Variants in GALNTL6 observed in about 807,000 individuals in gnomAD.
The protein encoded by GALNTL6 is polypeptide N-acetylgalactosaminyltransferase like 6.
Under a neutral mutation model 73.7 loss-of-function variants are expected in GALNTL6, and 46 were observed. The observed-to-expected ratio is 0.62, with a 90% CI of 0.49 to 0.80. The LOEUF is 0.80. Ranked by LOEUF, GALNTL6 falls within the 30% of genes least tolerant of loss-of-function variation. GALNTL6 has a pLI of 0.00. For missense variants in GALNTL6, 604 were observed against 755.0 expected (o/e 0.80, Z 2.34); for synonymous variants, 259 against 263.7 (o/e 0.98, Z 0.17).
At chr4:172,036,217 GA>G (rs553310835) in intron 2 of GALNTL6, among the ~76,000 whole-genome samples, 1 of 151,624 alleles carries the variant, frequency 6.6e-6, no homozygotes, top group Non-Finnish European at 1.5e-5. Context: ...TCAGTTTATA[GA>G]AAAAAAATGC....
intron 8 of GALNTL6, among the ~76,000 whole-genome samples, chr4:172,925,465 T>C (rs746614187): frequency 6.6e-6 from 1 of 152,204 alleles, no homozygotes; most frequent in African/African-American, 2.4e-5. Context: ...CGTTACATGG[T>C]AAAAGAGATT....
At chr4:172,211,754 T>C (rs1736328814) in intron 2 of GALNTL6, among the ~76,000 whole-genome samples, 1 of 152,166 alleles carries the variant, frequency 6.6e-6, no homozygotes, top group South Asian at 2.1e-4. Flanking sequence ...CCAGCAGATT[T>C]GGTGTCAGTT....
rs148626589 is a variant in GALNTL6 at position 172,290,290 on chromosome 4, T to A, written c.248-21324T>A. ...TAGTAGTATTTTCTTTAGCTCAGTA[T>A]GAGACCGAACCATATTTGCTCTATC... is the stretch of plus-strand genomic sequence containing the variant. On this transcript the variant is annotated intron_variant, in intron 3 of 12. Coordinates refer to ENST00000506823, the MANE Select transcript of GALNTL6 (RefSeq NM_001034845.3). Among the ~76,000 whole-genome samples, 913 of 152,310 alleles carry A rather than the reference T, an allele frequency of 6.0e-3. 11 individuals carry two copies. The highest frequency in any genetic ancestry group is 0.02 in the African/African-American group (847 of 41,576).
intron 2 of GALNTL6, chr4:172,052,587 C>A (rs981857667): frequency 8.4e-7 from 1 of 1,192,104 alleles, no homozygotes; most frequent in Non-Finnish European, 1.2e-6. Context: ...TAGGGTGGTT[C>A]GTCTCATGGA....
At chr4:172,801,328 A>G (rs1740627443) in intron 5 of GALNTL6, among the ~76,000 whole-genome samples, 1 of 152,204 alleles carries the variant, frequency 6.6e-6, no homozygotes, top group African/African-American at 2.4e-5. Flanking sequence ...TCCCAAATGC[A>G]TTCTAAGAGT....
intron 5 of GALNTL6, among the ~76,000 whole-genome samples, chr4:172,768,678 G>A (rs1738584291): frequency 6.6e-6 from 1 of 152,146 alleles, no homozygotes; most frequent in South Asian, 2.1e-4. Context: ...GAATGTGCCT[G>A]GAACTAAGAC....
At chr4:172,090,069 A>G (rs967872953) in intron 2 of GALNTL6, among the ~76,000 whole-genome samples, 9 of 152,162 alleles carry the variant, frequency 5.9e-5, no homozygotes, top group Non-Finnish European at 1.2e-4. Flanking sequence ...CATGATTTAT[A>G]TGTACCACAT....
chr4:172,381,142 TTTA>T (rs1332138882), intron 5 of GALNTL6, among the ~76,000 whole-genome samples: 1 of 152,186 alleles, frequency 6.6e-6, no homozygotes. Context: ...ATACTTACTT[TTTA>T]TTATTTGTTA....
intron 10 of GALNTL6, among the ~76,000 whole-genome samples, chr4:172,969,151 C>T (rs768480749): frequency 6.6e-6 from 1 of 151,960 alleles, no homozygotes; most frequent in East Asian, 1.9e-4. Flanking sequence ...GGAAAGAGAA[C>T]TGAGAAAACT....
chr4:172,044,661 A>G (rs529334738), intron 2 of GALNTL6, among the ~76,000 whole-genome samples: 1 of 151,992 alleles, frequency 6.6e-6, no homozygotes, highest in Non-Finnish European at 1.5e-5. Context: ...TGGGAAAGAG[A>G]TGATTTTAAT....
rs187775915 is a variant in GALNTL6, at chr4:172,220,819, G to A, written c.139-8837G>A. On this transcript the variant is annotated intron_variant, in intron 2 of 12. Transcript: ENST00000506823. ...ATTTAAAATTCCAACAAAACTGAAA[G>A]TAGTAAAGACCTAATTGAAGACAAT... 8.6e-5 allele frequency among the ~76,000 whole-genome samples: 13 copies of A among 151,894 alleles called. No individual in the cohort carries two copies. In the East Asian group the frequency reaches 2.5e-3, roughly 29 times the overall value.
At chr4:171,966,806 C>T (rs12647603) in intron 2 of GALNTL6, among the ~76,000 whole-genome samples, 1 of 152,212 alleles carries the variant, frequency 6.6e-6, no homozygotes, top group Middle Eastern at 3.4e-3. Context: ...TTCCAGCAGT[C>T]GTCACCTCAC....
In GALNTL6 at chr4:172,182,852, C is replaced by G. The variant is rs143874459; in HGVS notation, c.139-46804C>G. ...AAATATACTCAATATTTTATAAAAG[C>G]AATCATATCATTAGGCCTCTTTTCA... On this transcript the variant is annotated intron_variant, in intron 2 of 12. Coordinates refer to ENST00000506823, the MANE Select transcript of GALNTL6 (RefSeq NM_001034845.3). 4.5e-3 allele frequency among the ~76,000 whole-genome samples: 689 copies of G among 152,094 alleles called. 7 individuals are homozygous for G. Among genetic ancestry groups the G allele is most frequent in the East Asian group, 0.044 (229 of 5,186 alleles).
chr4:171,836,513 A>G (rs565560017), intron 2 of GALNTL6, among the ~76,000 whole-genome samples: 3 of 152,280 alleles, frequency 2.0e-5, no homozygotes, highest in South Asian at 4.1e-4. Context: ...ATAACTGAAG[A>G]CACCCCAGTC....
intron 5 of GALNTL6, among the ~76,000 whole-genome samples, chr4:172,461,430 G>A (rs1425079739): frequency 6.6e-6 from 1 of 152,112 alleles, no homozygotes; most frequent in Non-Finnish European, 1.5e-5. Context: ...TGCAAAATGT[G>A]CAGCTCAGGC....
intron 10 of GALNTL6, among the ~76,000 whole-genome samples, chr4:172,953,768 G>A (rs1358854417): frequency 6.6e-6 from 1 of 152,230 alleles, no homozygotes; most frequent in Admixed American, 6.5e-5. Context: ...TCCTGACATT[G>A]TCTGCTTAAT....
intron 5 of GALNTL6, among the ~76,000 whole-genome samples, chr4:172,522,601 C>T (rs921779292): frequency 4.0e-5 from 6 of 149,272 alleles, no homozygotes; most frequent in East Asian, 2.0e-4. Context: ...ACCCAGGAGG[C>T]GGAGTTTGCA....
chr4:172,167,559 G>A (rs1050396095), intron 2 of GALNTL6, among the ~76,000 whole-genome samples: 6 of 152,320 alleles, frequency 3.9e-5, no homozygotes, highest in African/African-American at 4.8e-5. Context: ...ATTATCAAAT[G>A]TAGAAATAAC....
chr4:172,846,209 T>C (rs1159116081), intron 7 of GALNTL6, among the ~76,000 whole-genome samples: 3 of 152,234 alleles, frequency 2.0e-5, no homozygotes, highest in Admixed American at 6.5e-5. Flanking sequence ...AATCATACTA[T>C]AAATAGTCAA....
Sources: gnomAD v4.1 joint callset for allele counts (sites outside exome capture counted in the v4.1 genomes callset) on GRCh38, gnomAD v4.1.1 for gene constraint, MANE v1.5 for transcripts, NCBI Gene and HGNC (gene_info 2026-07-23, HGNC 2026-07-21) for gene names.